Variants in GALC observed in about 807,000 individuals in gnomAD.
GALC encodes galactosylceramidase.
Under a neutral mutation model 91.8 loss-of-function variants are expected in GALC, and 77 were observed. The ratio of observed to expected loss-of-function variants is 0.84; its 90% CI spans 0.70 to 1.01. GALC has a LOEUF of 1.01. Ranked by LOEUF, GALC falls within the 50% of genes least tolerant of loss-of-function variation. The probability of loss-of-function intolerance (pLI) is 0.00; values close to 1 mark genes in which losing one functional copy is unlikely to be tolerated. For synonymous variants in GALC, 357 were observed against 306.7 expected (o/e 1.16, Z -1.71); for missense variants, 882 against 855.9 (o/e 1.03, Z -0.38).
intron 3 of GALC, 95 bp downstream of exon 3, chr14:87,988,049 G>C: frequency 1.1e-6 from 1 of 921,596 alleles, no homozygotes; most frequent in Non-Finnish European, 1.8e-6. Flanking sequence ...CAAAAGTGTT[G>C]GTATTGTTTA....
rs750524447 is a variant in GALC, at chr14:87,968,334, C to T, written c.908+1G>A. ...ACTCTAAAAGGTTTTTAATAACTTACGAAGTCATATAGCCATTGATATAAT... is the reference window on the plus strand; with the variant it reads ...ACTCTAAAAGGTTTTTAATAACTTATGAAGTCATATAGCCATTGATATAAT... On this transcript the variant is annotated splice_donor_variant, in intron 8 of 16. Transcript: ENST00000261304. LOFTEE classifies it high-confidence loss of function. 4.4e-6 allele frequency: 7 copies of T among 1,607,026 alleles called. No homozygotes were observed. The highest frequency in any genetic ancestry group is 4.5e-5 in the East Asian group (2 of 44,848).
At chr14:87,940,043 T>A in intron 15 of GALC, 62 bp from the exon 16 acceptor site, 1 of 1,340,236 alleles carries the variant, frequency 7.5e-7, no homozygotes, top group Non-Finnish European at 1.1e-6. Context: ...CAGAATCATA[T>A]AATTCAGTGG....
At chr14:87,986,632 A>G in intron 3 of GALC, 30 bp from the exon 4 acceptor site, 1 of 1,386,362 alleles carries the variant, frequency 7.2e-7, no homozygotes, top group Non-Finnish European at 1.0e-6. Context: ...AACGGAAGTA[A>G]TGATCCATGA....
chr14:87,992,071 A>T (rs978467466), intron 1 of GALC, among the ~76,000 whole-genome samples: 1 of 151,034 alleles, frequency 6.6e-6, no homozygotes, highest in Non-Finnish European at 1.5e-5. Context: ...AAAAAGGATC[A>T]GCTAACTCCA....
chr14:87,948,208 G>C (rs944890852), intron 12 of GALC, among the ~76,000 whole-genome samples: 2 of 151,884 alleles, frequency 1.3e-5, no homozygotes, highest in Non-Finnish European at 2.9e-5. Context: ...TTCGATACAT[G>C]CAACTAAGAG....
At chr14:87,943,105 G>A (rs1321364493) in intron 14 of GALC, among the ~76,000 whole-genome samples, 1 of 152,010 alleles carries the variant, frequency 6.6e-6, no homozygotes, top group African/African-American at 2.4e-5. Flanking sequence ...GAACTTGCCA[G>A]GCAATTTCAC....
chr14:87,993,424 C>T, upstream of GALC: 1 of 1,535,848 alleles, frequency 6.5e-7, no homozygotes, highest in Non-Finnish European at 8.7e-7. Flanking sequence ...AGCACTTTAA[C>T]GCAGGGAAGG....
intron 1 of GALC, chr14:87,992,520 A>C: frequency 3.3e-6 from 5 of 1,529,060 alleles, no homozygotes; most frequent in Non-Finnish European, 4.4e-6. Flanking sequence ...CTCCTCCAAA[A>C]GGGAGAGACA....
At chr14:87,949,113 C>A (rs1227328773) in intron 12 of GALC, among the ~76,000 whole-genome samples, 1 of 150,890 alleles carries the variant, frequency 6.6e-6, no homozygotes, top group Admixed American at 6.6e-5. Flanking sequence ...GAGGAAGCGT[C>A]AGAGGAAAAG....
intron 6 of GALC, among the ~76,000 whole-genome samples, chr14:87,977,970 C>T (rs1350341040): frequency 6.6e-6 from 1 of 152,100 alleles, no homozygotes; most frequent in African/African-American, 2.4e-5. Context: ...TGTAGCAAAC[C>T]GAGACCAACT....
chr14:87,950,558 A>G, intron 11 of GALC, 101 bp downstream of exon 11: 1 of 762,306 alleles, frequency 1.3e-6, no homozygotes, highest in East Asian at 2.8e-5. Flanking sequence ...CAAACTGTTA[A>G]AAGTTCATAA....
At chr14:87,966,793 T>C (rs940017981) in intron 8 of GALC, among the ~76,000 whole-genome samples, 8 of 152,202 alleles carry the variant, frequency 5.3e-5, no homozygotes, top group Admixed American at 6.5e-5. Context: ...AAAATAGTCA[T>C]GGGCATATAC....
Position 87,947,802 on chromosome 14 carries a change from C to G in GALC, c.1415G>C (p.Gly472Ala). 2 of 1,612,890 alleles carry G rather than the reference C, an allele frequency of 1.2e-6. No homozygotes were observed. The highest frequency in any genetic ancestry group is 1.7e-6 in the Non-Finnish European group (2 of 1,179,252). ...ELFTLTTLTT[G>A]RKGSYPLPPK... Reference sequence around the variant, plus strand: ...AGGAAGCGGGTAGCTGCCTTTGCGACCAGTGGTGAGAGTGGTGAGTGTGAA... The same window carrying G: ...AGGAAGCGGGTAGCTGCCTTTGCGAGCAGTGGTGAGAGTGGTGAGTGTGAA... Residue 472 changes from glycine to alanine, a missense_variant, in exon 13 of 17, where the codon GGT becomes GCT. By Grantham distance (60) the Gly-to-Ala change is moderately conservative (BLOSUM62 0). Coordinates refer to ENST00000261304, the MANE Select transcript of GALC (RefSeq NM_000153.4).
intron 7 of GALC, among the ~76,000 whole-genome samples, chr14:87,973,724 C>T (rs1886386775): frequency 6.6e-6 from 1 of 152,148 alleles, no homozygotes; most frequent in Admixed American, 6.6e-5. Flanking sequence ...TCAACCTCAG[C>T]ACTATTAACA....
At chr14:87,968,787 A>T (rs1464705988) in intron 7 of GALC, among the ~76,000 whole-genome samples, 1 of 152,164 alleles carries the variant, frequency 6.6e-6, no homozygotes, top group Non-Finnish European at 1.5e-5. Context: ...GGAGCTCACA[A>T]GATGGATGGA....
chr14:87,965,659 A>T, intron 8 of GALC, 30 bp from the exon 9 acceptor site: 1 of 1,611,620 alleles, frequency 6.2e-7, no homozygotes, highest in East Asian at 2.2e-5. Flanking sequence ...AGAAACACCA[A>T]GACAACTTGT....
intron 12 of GALC, among the ~76,000 whole-genome samples, chr14:87,948,110 T>C (rs924749227): frequency 6.6e-6 from 1 of 151,898 alleles, no homozygotes; most frequent in Non-Finnish European, 1.5e-5. Context: ...CCTTACTTCA[T>C]GGAAGGAAGG....
intron 13 of GALC, 62 bp from the exon 14 acceptor site, chr14:87,945,795 A>T: frequency 7.8e-7 from 1 of 1,278,558 alleles, no homozygotes; most frequent in Non-Finnish European, 1.1e-6. Flanking sequence ...CTCCTTGCTG[A>T]TATTTTATAG....
At chr14:87,975,000 C>T (rs903332003) in intron 7 of GALC, among the ~76,000 whole-genome samples, 1 of 151,956 alleles carries the variant, frequency 6.6e-6, no homozygotes, top group African/African-American at 2.4e-5. Flanking sequence ...CTTTGTTTTC[C>T]TTCAAGACTT....
Sources: allele counts gnomAD v4.1 joint callset (sites outside exome capture counted in the v4.1 genomes callset), GRCh38; gene constraint gnomAD v4.1.1; transcripts MANE v1.5; gene names NCBI Gene and HGNC (gene_info 2026-07-23, HGNC 2026-07-21).